The following TWIST2 variants were observed in gnomAD, a reference collection of about 807,000 sequenced individuals.
The protein encoded by TWIST2 is twist-related protein 2.
A neutral mutation model predicts 11.6 loss-of-function variants in TWIST2; 1 was observed. That is an observed-to-expected ratio of 0.09 (90% CI 0.03 to 0.41). TWIST2 has a LOEUF of 0.41. TWIST2 is among the 10% of genes least tolerant of loss of function. The pLI is 0.98. For synonymous variants in TWIST2, 87 were observed against 96.6 expected, an observed-to-expected ratio of 0.90 and a Z score of 0.58; for missense variants, 168 against 226.4, an observed-to-expected ratio of 0.74 and a Z score of 1.66.
At chr2:238,904,671 G>A (rs1177226060) in intron 1 of TWIST2, among the ~76,000 whole-genome samples, 1 of 152,046 alleles carries the variant, frequency 6.6e-6, no homozygotes, top group Non-Finnish European at 1.5e-5. Flanking sequence ...TTACAAACAT[G>A]CTTCTGCCCT....
chr2:238,899,420 C>T (rs1375992328), intron 1 of TWIST2, among the ~76,000 whole-genome samples: 4 of 152,360 alleles, frequency 2.6e-5, no homozygotes, highest in African/African-American at 9.6e-5. Flanking sequence ...GCCCTCACAG[C>T]ACTGATGCAG....
chr2:238,903,341 G>C (rs1156899935), intron 1 of TWIST2, among the ~76,000 whole-genome samples: 5 of 147,758 alleles, frequency 3.4e-5, no homozygotes, highest in Non-Finnish European at 7.5e-5. Context: ...AGGTATGTTT[G>C]AGGTAGTGTG....
intron 1 of TWIST2, among the ~76,000 whole-genome samples, chr2:238,861,752 TACAG>T (rs1213703398): frequency 2.6e-5 from 4 of 152,218 alleles, no homozygotes; most frequent in African/African-American, 7.2e-5. Flanking sequence ...AAGTTTCAAT[TACAG>T]ACAGTCAACC....
At position 238,889,494 on chromosome 2, in the gene TWIST2, C is replaced by T. The variant is rs1157369258; in HGVS notation, c.*36-20348C>T. ...AGACCCTAAAGCCACTACCAGCCTGCTCTTCCAGAGCCCAAACTGTCCCCC... is the reference window on the plus strand; with the variant it reads ...AGACCCTAAAGCCACTACCAGCCTGTTCTTCCAGAGCCCAAACTGTCCCCC... On this transcript the variant is annotated intron_variant, in intron 1 of 1. Transcript: ENST00000612363. 3.3e-5 allele frequency among the ~76,000 whole-genome samples: 5 copies of T among 152,346 alleles called. No homozygotes were observed. In the East Asian group the frequency reaches 7.7e-4, roughly 23 times the overall value.
intron 1 of TWIST2, among the ~76,000 whole-genome samples, chr2:238,879,948 C>T (rs539023690): frequency 6.6e-5 from 10 of 152,346 alleles, no homozygotes; most frequent in African/African-American, 2.2e-4. Flanking sequence ...GGTTCAAAAC[C>T]CAGGAGGAAT....
intron 1 of TWIST2, among the ~76,000 whole-genome samples, chr2:238,870,333 C>T (rs1220097849): frequency 8.3e-6 from 1 of 120,800 alleles, no homozygotes; most frequent in Admixed American, 8.4e-5. Flanking sequence ...ACACCCCACA[C>T]ACCCCACACA....
At chr2:238,908,722 GT>G (rs1479675611) in intron 1 of TWIST2, among the ~76,000 whole-genome samples, 1 of 151,472 alleles carries the variant, frequency 6.6e-6, no homozygotes, top group Non-Finnish European at 1.5e-5. Context: ...TGTGCAGTGT[GT>G]GTGTGGGTAT....
chr2:238,899,448 C>G (rs1037142445), intron 1 of TWIST2, among the ~76,000 whole-genome samples: 12 of 152,226 alleles, frequency 7.9e-5, no homozygotes, highest in Non-Finnish European at 1.8e-4. Flanking sequence ...TATTGTTACC[C>G]TCACTTGGGT....
chr2:238,891,760 G>T (rs1392173895), intron 1 of TWIST2, among the ~76,000 whole-genome samples: 1 of 152,172 alleles, frequency 6.6e-6, no homozygotes, highest in Non-Finnish European at 1.5e-5. Flanking sequence ...CATTTTCCAG[G>T]CTTGAGTCCA....
intron 1 of TWIST2, among the ~76,000 whole-genome samples, chr2:238,871,827 C>CG (rs1218201659): frequency 1.3e-5 from 2 of 152,112 alleles, no homozygotes; most frequent in Non-Finnish European, 2.9e-5. Flanking sequence ...TCCACTTACA[C>CG]GGGGAACCTC....
At chr2:238,901,805 G>A (rs1326097635) in intron 1 of TWIST2, among the ~76,000 whole-genome samples, 1 of 152,122 alleles carries the variant, frequency 6.6e-6, no homozygotes, top group Non-Finnish European at 1.5e-5. Flanking sequence ...ACCCATGGGG[G>A]TGGCTGGCAG....
At chr2:238,858,166 A>G (rs1226809487) in intron 1 of TWIST2, among the ~76,000 whole-genome samples, 5 of 152,160 alleles carry the variant, frequency 3.3e-5, no homozygotes, top group Non-Finnish European at 5.9e-5. Flanking sequence ...GGAAGTGGGG[A>G]GGCAGAAAGT....
chr2:238,855,740 C>G (rs1692318129), intron 1 of TWIST2, among the ~76,000 whole-genome samples: 1 of 152,118 alleles, frequency 6.6e-6, no homozygotes, highest in Non-Finnish European at 1.5e-5. Flanking sequence ...ACCATCAGGT[C>G]CCGTGATAGC....
intron 1 of TWIST2, among the ~76,000 whole-genome samples, chr2:238,857,159 G>T (rs950482027): frequency 2.0e-5 from 3 of 152,152 alleles, no homozygotes; most frequent in Admixed American, 6.5e-5. Flanking sequence ...TGGTGCCCCT[G>T]CATGACGGGC....
intron 1 of TWIST2, among the ~76,000 whole-genome samples, chr2:238,868,650 A>G (rs1470674132): frequency 2.6e-5 from 4 of 152,202 alleles, no homozygotes; most frequent in African/African-American, 4.8e-5. Context: ...TGTCTGTGGG[A>G]CAAGCCGTGT....
chr2:238,877,559 CAA>C (rs374751243), intron 1 of TWIST2, among the ~76,000 whole-genome samples: 8,507 of 152,102 alleles, frequency 0.056, 493 homozygotes, highest in East Asian at 0.29. Context: ...CATAATGAAA[CAA>C]AAAGATGTCA....
intron 1 of TWIST2, among the ~76,000 whole-genome samples, chr2:238,861,419 G>A (rs1692433572): frequency 6.6e-6 from 1 of 152,164 alleles, no homozygotes; most frequent in African/African-American, 2.4e-5. Flanking sequence ...GGACACTGGA[G>A]CCAGCGCCCA....
intron 1 of TWIST2, among the ~76,000 whole-genome samples, chr2:238,874,292 A>G (rs1432200651): frequency 6.6e-6 from 1 of 152,210 alleles, no homozygotes; most frequent in Non-Finnish European, 1.5e-5. Flanking sequence ...AATCCAGGAC[A>G]TGAAAACCTA....
intron 1 of TWIST2, among the ~76,000 whole-genome samples, chr2:238,856,525 A>G (rs1198076761): frequency 6.6e-6 from 1 of 152,038 alleles, no homozygotes; most frequent in Non-Finnish European, 1.5e-5. Context: ...AATTTATAAC[A>G]TGGAAAAGTT....
Sources: allele counts gnomAD v4.1 joint callset (sites outside exome capture counted in the v4.1 genomes callset), GRCh38; gene constraint gnomAD v4.1.1; transcripts MANE v1.5; gene names NCBI Gene and HGNC (gene_info 2026-07-23, HGNC 2026-07-21).